Variants in DOCK1 observed in about 807,000 individuals in gnomAD.
DOCK1 encodes dedicator of cytokinesis 1.
A neutral mutation model predicts 262.7 loss-of-function variants in DOCK1; 138 were observed. The observed-to-expected ratio is 0.53, with a 90% CI of 0.46 to 0.61. The LOEUF (loss-of-function observed/expected upper bound fraction) is 0.61. DOCK1 is among the 20% of genes least tolerant of loss of function. The pLI, the probability that DOCK1 is intolerant of heterozygous loss-of-function variation, is 0.00. For missense variants in DOCK1, 1,908 were observed against 2,370.7 expected (o/e 0.80, Z 4.05); for synonymous variants, 866 against 867.4 (o/e 1.00, Z 0.03).
At chr10:126,935,371 A>G (rs949566628) in intron 1 of DOCK1, among the ~76,000 whole-genome samples, 1 of 152,172 alleles carries the variant, frequency 6.6e-6, no homozygotes, top group Non-Finnish European at 1.5e-5. Context: ...GCTCTATGCC[A>G]AATCTTGGCT....
chr10:127,409,195 C>A lies in DOCK1; in HGVS notation c.4264+17C>A, dbSNP rs753293882. On this transcript the variant is annotated intron_variant, in intron 41 of 51. Coordinates refer to ENST00000623213, the MANE Select transcript of DOCK1 (RefSeq NM_001290223.2). ...CTGGCCAGTGTATCCTTTAAGACAACCTCATCAACTCTGAAACCATGGTGA... is the reference window on the plus strand; with the variant it reads ...CTGGCCAGTGTATCCTTTAAGACAAACTCATCAACTCTGAAACCATGGTGA... 2.5e-6 allele frequency: 4 copies of A among 1,613,416 alleles called. No homozygotes were observed. The highest frequency in any genetic ancestry group is 2.5e-6 in the Non-Finnish European group (3 of 1,179,484).
chr10:127,137,572 A>T, intron 27 of DOCK1: 1 of 353,954 alleles, frequency 2.8e-6, no homozygotes, highest in Non-Finnish European at 5.1e-6. Flanking sequence ...ATTTTTACTT[A>T]TCATCTTTGA....
At chr10:127,158,052 G>A (rs913568338) in intron 27 of DOCK1, among the ~76,000 whole-genome samples, 4 of 152,176 alleles carry the variant, frequency 2.6e-5, no homozygotes, top group African/African-American at 9.7e-5. Flanking sequence ...AAGCTTCCAA[G>A]CTGTAGGGTT....
Position 127,049,991 on chromosome 10 carries a change from T to TTA in DOCK1, c.2202-2690_2202-2689insTA, listed in dbSNP as rs869167803. On this transcript the variant is annotated intron_variant, in intron 21 of 51. Transcript: ENST00000623213. Reference sequence around the variant, plus strand: ...CTCTTTTTTTTTTTTTTTTTTTTTTTACTATAGTGATGAGGGAGTGCCCAC... The same window carrying TTA: ...CTCTTTTTTTTTTTTTTTTTTTTTTTTAACTATAGTGATGAGGGAGTGCCCAC... Among the ~76,000 whole-genome samples the TTA allele has an allele frequency of 3.5e-3, 488 of 138,486 alleles. 7 individuals are homozygous for TTA. The highest frequency in any genetic ancestry group is 0.011 in the African/African-American group (431 of 37,516). The allele number at this position is 138,486 out of a possible 152,430, so 90.9% of individuals were successfully genotyped here.
At chr10:127,338,544 T>C (rs149115065) in intron 29 of DOCK1, among the ~76,000 whole-genome samples, 774 of 152,350 alleles carry the variant, frequency 5.1e-3, no homozygotes, top group African/African-American at 0.018. Context: ...TCGTAAGCCA[T>C]GCTTCCAAGC....
At chr10:127,231,717 G>T (rs1268610379) in intron 27 of DOCK1, among the ~76,000 whole-genome samples, 2 of 152,150 alleles carry the variant, frequency 1.3e-5, no homozygotes, top group Non-Finnish European at 2.9e-5. Context: ...CCCTTATTTA[G>T]ACTCAAGGCT....
chr10:127,117,410 A>G (rs1049076311), intron 25 of DOCK1, among the ~76,000 whole-genome samples: 1 of 152,344 alleles, frequency 6.6e-6, no homozygotes, highest in Admixed American at 6.5e-5. Context: ...CACCCACCAT[A>G]TGAGTAATGC....
intron 29 of DOCK1, among the ~76,000 whole-genome samples, chr10:127,284,309 T>C (rs1467205353): frequency 6.6e-6 from 1 of 152,186 alleles, no homozygotes; most frequent in Non-Finnish European, 1.5e-5. Context: ...TACATACAAA[T>C]ATTTAATTTA....
At chr10:127,123,790 C>T (rs910509944) in intron 25 of DOCK1, among the ~76,000 whole-genome samples, 2 of 152,138 alleles carry the variant, frequency 1.3e-5, no homozygotes, top group Non-Finnish European at 2.9e-5. Flanking sequence ...CTGTGCTCTC[C>T]CTCACTGACC....
intron 27 of DOCK1, among the ~76,000 whole-genome samples, chr10:127,150,244 G>A (rs573032588): frequency 6.6e-6 from 1 of 152,296 alleles, no homozygotes; most frequent in East Asian, 1.9e-4. Context: ...TTCTACCGAA[G>A]AAACTTCTAT....
chr10:126,955,820 G>A (rs1416062613), intron 1 of DOCK1, among the ~76,000 whole-genome samples: 1 of 152,076 alleles, frequency 6.6e-6, no homozygotes, highest in Non-Finnish European at 1.5e-5. Flanking sequence ...ACACTTTTTG[G>A]GTGCTCTCTA....
intron 10 of DOCK1, among the ~76,000 whole-genome samples, chr10:127,003,463 G>T (rs1040549164): frequency 6.6e-6 from 1 of 152,174 alleles, no homozygotes; most frequent in African/African-American, 2.4e-5. Context: ...TTGGGTTGCC[G>T]GGTCCTTTGA....
chr10:127,082,930 A>G (rs750883590), intron 23 of DOCK1, among the ~76,000 whole-genome samples: 1 of 152,046 alleles, frequency 6.6e-6, no homozygotes, highest in Non-Finnish European at 1.5e-5. Context: ...GTGAGCAGGG[A>G]TCTTTCTCCT....
At chr10:127,261,764 TGTGG>T (rs1405770264) in intron 29 of DOCK1, among the ~76,000 whole-genome samples, 17 of 136,652 alleles carry the variant, frequency 1.2e-4, no homozygotes, top group African/African-American at 4.6e-4. Context: ...TGTGTGTGCA[TGTGG>T]GTGTGTGTGT....
At chr10:127,444,369 T>A in intron 50 of DOCK1, 90 bp downstream of exon 50, 1 of 1,414,084 alleles carries the variant, frequency 7.1e-7, no homozygotes, top group Non-Finnish European at 9.4e-7. Context: ...GCTTCCTCCC[T>A]CCCCTTGCAG....
intron 29 of DOCK1, among the ~76,000 whole-genome samples, chr10:127,289,382 T>A (rs1166089332): frequency 6.6e-6 from 1 of 152,216 alleles, no homozygotes; most frequent in Non-Finnish European, 1.5e-5. Flanking sequence ...TGTGATGGTT[T>A]TTCATCTTTT....
intron 28 of DOCK1, among the ~76,000 whole-genome samples, chr10:127,255,087 A>G (rs998777895): frequency 1.3e-5 from 2 of 152,196 alleles, no homozygotes; most frequent in South Asian, 4.1e-4. Flanking sequence ...ATTGTATAAG[A>G]CATCCTGTGA....
intron 29 of DOCK1, among the ~76,000 whole-genome samples, chr10:127,332,428 T>G (rs943568345): frequency 2.6e-5 from 4 of 152,116 alleles, no homozygotes; most frequent in Non-Finnish European, 4.4e-5. Context: ...ATAATAGCAA[T>G]GAAATCTTTT....
At chr10:127,056,360 A>G (rs1216224722) in intron 22 of DOCK1, among the ~76,000 whole-genome samples, 1 of 152,044 alleles carries the variant, frequency 6.6e-6, no homozygotes, top group Non-Finnish European at 1.5e-5. Flanking sequence ...AGGTGCCAGC[A>G]TGCCTGGCTA....
Sources: allele counts gnomAD v4.1 joint callset (sites outside exome capture counted in the v4.1 genomes callset), GRCh38; gene constraint gnomAD v4.1.1; transcripts MANE v1.5; gene names NCBI Gene and HGNC (gene_info 2026-07-23, HGNC 2026-07-21).